The following GABRA4 variants were observed in gnomAD, a reference collection of about 807,000 sequenced individuals.
The protein encoded by GABRA4 is gamma-aminobutyric acid type A receptor subunit alpha4.
In GABRA4, 12 loss-of-function variants were observed where a neutral mutation model predicts 49.7. The ratio of observed to expected loss-of-function variants is 0.24; its 90% confidence interval spans 0.15 to 0.39. The LOEUF (loss-of-function observed/expected upper bound fraction) is 0.39. Among genes scored for constraint, GABRA4 ranks in the 10% least tolerant of loss-of-function variants. The pLI is 1.00. For synonymous variants in GABRA4, 288 were observed against 240.2 expected, an observed-to-expected ratio of 1.20 and a Z score of -1.84; for missense variants, 506 against 686.0, an observed-to-expected ratio of 0.74 and a Z score of 2.93.
intron 8 of GABRA4, among the ~76,000 whole-genome samples, chr4:46,929,795 T>C (rs2109935691): frequency 6.6e-6 from 1 of 152,130 alleles, no homozygotes; most frequent in Non-Finnish European, 1.5e-5. Flanking sequence ...TTACTTTCCA[T>C]AACTTCTCCC....
chr4:46,984,123 T>C (rs1279480135), intron 2 of GABRA4, among the ~76,000 whole-genome samples: 2 of 152,106 alleles, frequency 1.3e-5, no homozygotes, highest in Non-Finnish European at 2.9e-5. Context: ...CCAATAATGA[T>C]GTCTAATTTG....
chr4:46,952,090 G>A (rs1169205855), intron 8 of GABRA4, among the ~76,000 whole-genome samples: 1 of 152,014 alleles, frequency 6.6e-6, no homozygotes, highest in Admixed American at 6.6e-5. Context: ...AAATTTAGTG[G>A]CCTACATTGT....
intron 2 of GABRA4, among the ~76,000 whole-genome samples, chr4:46,991,016 C>A (rs543762955): frequency 1.3e-5 from 2 of 152,004 alleles, no homozygotes; most frequent in Admixed American, 1.3e-4. Flanking sequence ...CCATCTCTAC[C>A]AAAAAATATA....
chr4:46,966,149 C>T (rs920014087), intron 7 of GABRA4, among the ~76,000 whole-genome samples: 2 of 151,702 alleles, frequency 1.3e-5, no homozygotes, highest in Non-Finnish European at 2.9e-5. Flanking sequence ...TCTATTTCTG[C>T]ATCTATATAT....
intron 7 of GABRA4, among the ~76,000 whole-genome samples, chr4:46,968,765 C>G (rs1412990203): frequency 6.6e-6 from 1 of 151,390 alleles, no homozygotes; most frequent in Non-Finnish European, 1.5e-5. Flanking sequence ...CTAGCCTTCC[C>G]CACACCACTG....
chr4:46,967,969 CAGCT>C (rs922302650), intron 7 of GABRA4, among the ~76,000 whole-genome samples: 4 of 151,598 alleles, frequency 2.6e-5, no homozygotes, highest in Non-Finnish European at 5.9e-5. Context: ...TAGAGGCATA[CAGCT>C]TTGGAGATAG....
chr4:46,964,478 T>A (rs1437223550), intron 8 of GABRA4, among the ~76,000 whole-genome samples: 4 of 151,870 alleles, frequency 2.6e-5, no homozygotes, highest in Non-Finnish European at 5.9e-5. Flanking sequence ...TTTTCCATGA[T>A]GTGCTTATTT....
chr4:46,956,679 T>C (rs181418733), intron 8 of GABRA4, among the ~76,000 whole-genome samples: 11 of 152,170 alleles, frequency 7.2e-5, no homozygotes, highest in Admixed American at 6.6e-4. Flanking sequence ...ACAGAAATCC[T>C]GCTGCGGCTC....
chr4:46,951,760 ATGTGTATATATATG>A (rs974970203), intron 8 of GABRA4, among the ~76,000 whole-genome samples: 11 of 149,274 alleles, frequency 7.4e-5, no homozygotes, highest in South Asian at 4.2e-4. Flanking sequence ...GTGTATATGT[ATGTGTATATATATG>A]TGTGTATATA....
chr4:46,963,069 G>A (rs1354054349), intron 8 of GABRA4, among the ~76,000 whole-genome samples: 1 of 151,634 alleles, frequency 6.6e-6, no homozygotes, highest in Non-Finnish European at 1.5e-5. Context: ...TTAGAAGCAT[G>A]GCAACCAAAA....
chr4:46,922,621 A>T lies in GABRA4; in HGVS notation c.*5604T>A, dbSNP rs999593731. ...GAGAAACATGAGAAGCTCAAAGAAG[A>T]TATTTCAATAAAGCAATGGTAAAAA... On this transcript the variant is annotated 3_prime_UTR_variant, in exon 9 of 9. Coordinates refer to ENST00000264318, the MANE Select transcript of GABRA4 (RefSeq NM_000809.4). The T allele has an allele frequency of 6.6e-6, 1 of 152,192 alleles. No individual in the cohort carries two copies. The highest frequency in any genetic ancestry group is 1.5e-5 in the Non-Finnish European group (1 of 68,032). 9.4% of individuals were successfully genotyped at this position (152,192 alleles called of 1,614,324 possible). A position where few individuals can be genotyped will look rare whatever the true frequency, so the allele number is the denominator to read the frequency against.
At chr4:46,943,635 C>T (rs960523207) in intron 8 of GABRA4, among the ~76,000 whole-genome samples, 59 of 151,986 alleles carry the variant, frequency 3.9e-4, no homozygotes, top group African/African-American at 1.4e-3. Flanking sequence ...TTCCCCAAAC[C>T]ACCCTCTCAG....
At chr4:46,970,362 A>C (rs559831803) in intron 7 of GABRA4, among the ~76,000 whole-genome samples, 11 of 151,512 alleles carry the variant, frequency 7.3e-5, no homozygotes, top group Non-Finnish European at 1.5e-4. Context: ...ACTCACAATG[A>C]ACAGAAAAAG....
At position 46,924,220 on chromosome 4, in the gene GABRA4, C is replaced by A. The variant is rs1287292300; in HGVS notation, c.*4005G>T. 6.6e-6 allele frequency: 1 copy of A among 152,044 alleles called. No homozygotes were observed. The highest frequency in any genetic ancestry group is 1.5e-5 in the Non-Finnish European group (1 of 67,968). The allele number at this position is 152,044 out of a possible 1,614,324, so 9.4% of individuals were successfully genotyped here. On this transcript the variant is annotated 3_prime_UTR_variant, in exon 9 of 9. Transcript: ENST00000264318. ...GAAGAAAATATTATTACTACTGATT[C>A]TATTAATTTATTTAAAATTTGTATA...
rs1577782068 is a variant in GABRA4 at position 46,971,065 on chromosome 4, G to T, written c.874+18C>A. ...ATGTAATGTGAACAAAAACGCCCAA[G>T]AAATGAATTGCAATTACCAAATACA... is the stretch of plus-strand genomic sequence containing the variant. On this transcript the variant is annotated intron_variant, in intron 7 of 8. Coordinates refer to ENST00000264318, the MANE Select transcript of GABRA4 (RefSeq NM_000809.4). 3 of 1,594,938 alleles carry T rather than the reference G, an allele frequency of 1.9e-6. No homozygotes were observed. The highest frequency in any genetic ancestry group is 2.3e-5 in the East Asian group (1 of 44,432).
intron 2 of GABRA4, among the ~76,000 whole-genome samples, chr4:46,991,446 A>G (rs547703336): frequency 6.6e-6 from 1 of 152,324 alleles, no homozygotes; most frequent in South Asian, 2.1e-4. Flanking sequence ...TGACATTTCA[A>G]GTGAAGGCTA....
rs1720999346 is a variant in GABRA4 at position 46,920,875 on chromosome 4, A to C, written c.*7350T>G. The C allele has an allele frequency of 6.6e-6, 1 of 151,856 alleles. No individual in the cohort carries two copies. Among genetic ancestry groups the C allele is most frequent in the East Asian group, 1.9e-4 (1 of 5,196 alleles). 9.4% of individuals were successfully genotyped at this position (151,856 alleles called of 1,614,324 possible). On this transcript the variant is annotated 3_prime_UTR_variant, in exon 9 of 9. Transcript: ENST00000264318. Reference sequence around the variant, plus strand: ...ATAGAATATATTTAATTTATCCTTTACTACTTGTGTAACATAATCAACTCT... The same window carrying C: ...ATAGAATATATTTAATTTATCCTTTCCTACTTGTGTAACATAATCAACTCT...
chr4:46,977,653 T>C (rs1435875480), intron 3 of GABRA4, 23 bp from the exon 4 acceptor site: 21 of 1,538,930 alleles, frequency 1.4e-5, no homozygotes, highest in African/African-American at 2.7e-5. Context: ...TTTTGGAACA[T>C]ATTTAAGTTG....
At chr4:46,978,220 C>T (rs1317546664) in intron 3 of GABRA4, among the ~76,000 whole-genome samples, 1 of 151,934 alleles carries the variant, frequency 6.6e-6, no homozygotes, top group Non-Finnish European at 1.5e-5. Context: ...ACCAGTGCTT[C>T]GTATTCTAAG....
Sources: allele counts gnomAD v4.1 joint callset (sites outside exome capture counted in the v4.1 genomes callset), GRCh38; gene constraint gnomAD v4.1.1; transcripts MANE v1.5; gene names NCBI Gene and HGNC (gene_info 2026-07-23, HGNC 2026-07-21).